The following SHC4 variants were observed in gnomAD, a reference collection of about 807,000 sequenced individuals.
The protein encoded by SHC4 is SHC adaptor protein 4, also known as SHC-transforming protein 4.
In SHC4, 41 loss-of-function variants were observed where a neutral mutation model predicts 69.4. The ratio of observed to expected loss-of-function variants is 0.59; its 90% CI spans 0.46 to 0.77. The LOEUF is 0.77. Ranked by LOEUF, SHC4 falls within the 30% of genes least tolerant of loss-of-function variation. The pLI, the probability that SHC4 is intolerant of heterozygous loss-of-function variation, is 0.00. For synonymous variants in SHC4, 318 were observed against 299.3 expected (o/e 1.06, Z -0.64); for missense variants, 777 against 783.8 (o/e 0.99, Z 0.10).
intron 10 of SHC4, among the ~76,000 whole-genome samples, chr15:48,839,296 A>G (rs1345902824): frequency 6.6e-6 from 1 of 152,188 alleles, no homozygotes; most frequent in Non-Finnish European, 1.5e-5. Context: ...AGAAATCACA[A>G]TCCCTTCTAG....
chr15:48,899,983 C>T (rs1849022428), intron 2 of SHC4, among the ~76,000 whole-genome samples: 1 of 152,170 alleles, frequency 6.6e-6, no homozygotes, highest in African/African-American at 2.4e-5. Flanking sequence ...CATTGAGTAA[C>T]AGGTTCTGTG....
intron 2 of SHC4, among the ~76,000 whole-genome samples, chr15:48,896,697 A>G (rs748260556): frequency 6.6e-6 from 1 of 152,224 alleles, no homozygotes. Context: ...TGGACCTCTT[A>G]GAAATTACAG....
chr15:48,919,544 C>T (rs917427896), intron 2 of SHC4, among the ~76,000 whole-genome samples: 2 of 151,760 alleles, frequency 1.3e-5, no homozygotes, highest in Non-Finnish European at 2.9e-5. Context: ...TCACCTTGGC[C>T]TCCCAAAGTG....
At chr15:48,949,671 G>T (rs1421738580) in intron 1 of SHC4, among the ~76,000 whole-genome samples, 2 of 151,636 alleles carry the variant, frequency 1.3e-5, no homozygotes, top group African/African-American at 2.4e-5. Context: ...TTCTTTTCCA[G>T]CAGCTTTTAC....
chr15:48,949,399 C>G (rs919284316), intron 1 of SHC4, among the ~76,000 whole-genome samples: 1 of 151,534 alleles, frequency 6.6e-6, no homozygotes, highest in Non-Finnish European at 1.5e-5. Flanking sequence ...CTTAGGGAGG[C>G]TGGACTGAAT....
chr15:48,865,035 T>A (rs1031534059), intron 6 of SHC4, among the ~76,000 whole-genome samples: 13 of 152,298 alleles, frequency 8.5e-5, no homozygotes, highest in African/African-American at 2.4e-4. Context: ...ACCTGTGTCT[T>A]TTTTTACTTA....
At chr15:48,946,862 C>A (rs1208382612) in intron 1 of SHC4, among the ~76,000 whole-genome samples, 1 of 152,248 alleles carries the variant, frequency 6.6e-6, no homozygotes, top group African/African-American at 2.4e-5. Context: ...AAGTGAACAG[C>A]AGATATCTAT....
chr15:48,961,208 C>G (rs1019433259), intron 1 of SHC4, among the ~76,000 whole-genome samples: 2 of 152,216 alleles, frequency 1.3e-5, no homozygotes, highest in African/African-American at 4.8e-5. Flanking sequence ...TCAAATAAAT[C>G]AACCAACTGG....
intron 8 of SHC4, among the ~76,000 whole-genome samples, chr15:48,854,580 A>G (rs1301921453): frequency 6.6e-6 from 1 of 152,232 alleles, no homozygotes; most frequent in African/African-American, 2.4e-5. Flanking sequence ...ATGCCCATCA[A>G]TGGTGGATTG....
chr15:48,958,780 C>A (rs551457144), intron 1 of SHC4, among the ~76,000 whole-genome samples: 1 of 152,210 alleles, frequency 6.6e-6, no homozygotes, highest in African/African-American at 2.4e-5. Flanking sequence ...CTTGGAAAGG[C>A]CTCTAAAGAA....
At chr15:48,956,560 C>T (rs963980546) in intron 1 of SHC4, among the ~76,000 whole-genome samples, 12 of 152,278 alleles carry the variant, frequency 7.9e-5, no homozygotes, top group Admixed American at 5.2e-4. Context: ...CATCCACTAT[C>T]GCTCACCTCT....
intron 1 of SHC4, among the ~76,000 whole-genome samples, chr15:48,956,533 C>T (rs1477831881): frequency 6.6e-6 from 1 of 152,158 alleles, no homozygotes; most frequent in African/African-American, 2.4e-5. Flanking sequence ...ATGAGGAATG[C>T]CATGTTCCCA....
intron 7 of SHC4, 149 bp downstream of exon 7, chr15:48,857,543 G>C (rs888355096): frequency 3.5e-6 from 2 of 572,474 alleles, no homozygotes; most frequent in Admixed American, 4.0e-5. Flanking sequence ...TACTGAGACT[G>C]TGTCTATTTG....
chr15:48,937,085 T>C (rs1477718634), intron 1 of SHC4, among the ~76,000 whole-genome samples: 1 of 152,228 alleles, frequency 6.6e-6, no homozygotes, highest in East Asian at 1.9e-4. Context: ...CTGCTGGGCA[T>C]GGCCAGAAAA....
intron 10 of SHC4, among the ~76,000 whole-genome samples, chr15:48,842,431 A>C (rs945578817): frequency 6.6e-6 from 1 of 152,238 alleles, no homozygotes; most frequent in Admixed American, 6.5e-5. Context: ...CAAAAGTTCG[A>C]AGTAAATTTA....
intron 1 of SHC4, among the ~76,000 whole-genome samples, chr15:48,937,474 G>A (rs140263139): frequency 1.5e-3 from 225 of 152,248 alleles, no homozygotes; most frequent in African/African-American, 5.3e-3. Context: ...GTTTAAAGCT[G>A]CTGTTCCATG....
intron 4 of SHC4, chr15:48,879,659 AAC>A (rs1322658539): frequency 1.0e-4 from 17 of 167,232 alleles, no homozygotes; most frequent in African/African-American, 4.1e-4. Flanking sequence ...AGACTTTATG[AAC>A]AGTTATTCTA....
intron 1 of SHC4, chr15:48,946,585 T>A: frequency 1.0e-6 from 1 of 984,458 alleles, no homozygotes; most frequent in Non-Finnish European, 1.2e-6. Context: ...ATTTGGAGAT[T>A]TGTCACACAT....
intron 6 of SHC4, among the ~76,000 whole-genome samples, chr15:48,859,314 T>C (rs1180613452): frequency 1.3e-5 from 2 of 150,976 alleles, no homozygotes; most frequent in African/African-American, 4.9e-5. Context: ...GGGGTGTGTG[T>C]GTGTGTGTGT....
Sources: gnomAD v4.1 joint callset for allele counts (sites outside exome capture counted in the v4.1 genomes callset) on GRCh38, gnomAD v4.1.1 for gene constraint, MANE v1.5 for transcripts, NCBI Gene and HGNC (gene_info 2026-07-23, HGNC 2026-07-21) for gene names.